Variants in IPCEF1 observed in about 807,000 individuals in gnomAD.
IPCEF1 encodes the protein interactor protein for cytohesin exchange factors 1.
A neutral mutation model predicts 50.9 loss-of-function variants in IPCEF1; 31 were observed. The ratio of observed to expected loss-of-function variants is 0.61; its 90% CI spans 0.46 to 0.82. IPCEF1 has a LOEUF of 0.82. Among genes scored for constraint, IPCEF1 ranks in the 40% least tolerant of loss-of-function variants. The pLI, the probability that IPCEF1 is intolerant of heterozygous loss-of-function variation, is 0.00. For synonymous variants in IPCEF1, 181 were observed against 192.0 expected (o/e 0.94, Z 0.47); for missense variants, 458 against 514.0 (o/e 0.89, Z 1.05).
rs1359093617 is a variant in IPCEF1, at chr6:154,217,434, A to G, written c.393-3158T>C. On this transcript the variant is annotated intron_variant, in intron 7 of 11. Transcript: ENST00000367220. ...AACCACAAGAGGTGGCTGCATGGAGAAAAAAAAAAAAAAGTGTCCCATAAG... is the reference window on the plus strand; with the variant it reads ...AACCACAAGAGGTGGCTGCATGGAGGAAAAAAAAAAAAAGTGTCCCATAAG... 3.1e-5 allele frequency: 4 copies of G among 128,602 alleles called. No homozygotes were observed. The South Asian group carries it at 6.8e-4, about 22-fold the overall frequency. The allele number at this position is 128,602 out of a possible 1,614,324, so 8.0% of individuals were successfully genotyped here.
rs748973860 is a variant in IPCEF1 at position 154,212,833 on chromosome 6, C to T, written c.474G>A (p.Gln158=). The change falls in exon 9 of 12, where the codon CAG becomes CAA. Residue 158 remains glutamine (Q), a synonymous_variant. Coordinates refer to ENST00000367220, the MANE Select transcript of IPCEF1 (RefSeq NM_001130700.2). ...TCTCCGCAGCTATTTCTGGATCTTC[C>T]TGTTCACTTTCACTGTAACATTCTA... The part of the protein sequence containing the change: ...KDEECYSESE[Q]EDPEIAAETP... The T allele has an allele frequency of 5.0e-6, 8 of 1,612,958 alleles. No homozygotes were observed. The highest frequency in any genetic ancestry group is 1.1e-5 in the South Asian group (1 of 91,048).
intron 6 of IPCEF1, 135 bp downstream of exon 6, chr6:154,223,035 A>C: frequency 1.4e-6 from 1 of 724,368 alleles, no homozygotes; most frequent in Non-Finnish European, 2.4e-6. Flanking sequence ...GTAGGGTGCC[A>C]ACCCATAATG....
chr6:154,187,237 C>T (rs1424471857), intron 10 of IPCEF1, among the ~76,000 whole-genome samples: 1 of 152,062 alleles, frequency 6.6e-6, no homozygotes, highest in Non-Finnish European at 1.5e-5. Context: ...TCACACACCC[C>T]ACCCCATACC....
At chr6:154,333,294 C>A (rs1323573619) in intron 1 of IPCEF1, among the ~76,000 whole-genome samples, 1 of 151,774 alleles carries the variant, frequency 6.6e-6, no homozygotes. Context: ...GAAGGCAGAT[C>A]CACTCTTAAT....
chr6:154,257,282 C>T (rs1420988685), intron 3 of IPCEF1, among the ~76,000 whole-genome samples: 3 of 152,162 alleles, frequency 2.0e-5, no homozygotes, highest in Non-Finnish European at 4.4e-5. Context: ...GCTCCATTGT[C>T]ATCATGGAGT....
chr6:154,313,246 G>A (rs1021122148), intron 1 of IPCEF1, among the ~76,000 whole-genome samples: 1 of 151,528 alleles, frequency 6.6e-6, no homozygotes, highest in Admixed American at 6.6e-5. Context: ...GTAGTGGTGG[G>A]TGCCTGTAAT....
intron 1 of IPCEF1, among the ~76,000 whole-genome samples, chr6:154,292,831 T>C (rs2128670028): frequency 6.6e-6 from 1 of 152,330 alleles, no homozygotes; most frequent in East Asian, 1.9e-4. Context: ...AAATGAGTAT[T>C]AGCTGTATTG....
chr6:154,257,910 C>A (rs1354108630), intron 3 of IPCEF1, among the ~76,000 whole-genome samples: 1 of 152,132 alleles, frequency 6.6e-6, no homozygotes, highest in Non-Finnish European at 1.5e-5. Context: ...GCCATGTGGC[C>A]CAGGCTGGTC....
At chr6:154,227,816 A>G (rs1779378346) in intron 5 of IPCEF1, among the ~76,000 whole-genome samples, 1 of 152,220 alleles carries the variant, frequency 6.6e-6, no homozygotes, top group African/African-American at 2.4e-5. Context: ...GAAACAGCTG[A>G]GATTCCCTTA....
At chr6:154,323,196 C>T (rs894273891) in intron 1 of IPCEF1, among the ~76,000 whole-genome samples, 1 of 152,140 alleles carries the variant, frequency 6.6e-6, no homozygotes, top group African/African-American at 2.4e-5. Flanking sequence ...CAGATCTCCA[C>T]GTGCACGAGG....
intron 1 of IPCEF1, among the ~76,000 whole-genome samples, chr6:154,351,942 T>C (rs1233517184): frequency 2.6e-5 from 4 of 152,016 alleles, no homozygotes; most frequent in African/African-American, 9.7e-5. Flanking sequence ...TGAGAACACA[T>C]GGACATAGGG....
chr6:154,311,696 A>G (rs1783081215), intron 1 of IPCEF1, among the ~76,000 whole-genome samples: 2 of 152,392 alleles, frequency 1.3e-5, no homozygotes, highest in East Asian at 1.9e-4. Flanking sequence ...AAAATTTTCA[A>G]TATCACTAAT....
At chr6:154,349,355 C>G (rs1784085212) in intron 1 of IPCEF1, among the ~76,000 whole-genome samples, 1 of 125,242 alleles carries the variant, frequency 8.0e-6, no homozygotes, top group Non-Finnish European at 1.7e-5. Context: ...CCACACTTAA[C>G]TAATTTTATT....
chr6:154,287,695 C>T (rs901997005), intron 2 of IPCEF1, among the ~76,000 whole-genome samples: 3 of 152,138 alleles, frequency 2.0e-5, no homozygotes, highest in African/African-American at 7.2e-5. Context: ...ACAAACACAG[C>T]TTCTTATAAC....
intron 11 of IPCEF1, among the ~76,000 whole-genome samples, chr6:154,160,437 A>T (rs1798917567): frequency 6.6e-6 from 1 of 152,210 alleles, no homozygotes; most frequent in East Asian, 1.9e-4. Flanking sequence ...GGAACGTAAC[A>T]CTTTACCTAG....
chr6:154,289,084 A>C (rs1782447131), intron 2 of IPCEF1, among the ~76,000 whole-genome samples: 1 of 152,084 alleles, frequency 6.6e-6, no homozygotes, highest in African/African-American at 2.4e-5. Context: ...ACCAAATAAA[A>C]GATGTATACC....
At chr6:154,318,840 A>G (rs1259927276) in intron 1 of IPCEF1, among the ~76,000 whole-genome samples, 1 of 152,166 alleles carries the variant, frequency 6.6e-6, no homozygotes, top group Non-Finnish European at 1.5e-5. Context: ...ATCATCTGGA[A>G]CCTTCAGAAG....
chr6:154,208,133 C>T (rs1372220249), intron 9 of IPCEF1, among the ~76,000 whole-genome samples: 1 of 152,178 alleles, frequency 6.6e-6, no homozygotes, highest in Non-Finnish European at 1.5e-5. Flanking sequence ...CTGCTCAAAC[C>T]TTTCAAAGGC....
At chr6:154,193,049 C>T (rs934884188) in intron 10 of IPCEF1, among the ~76,000 whole-genome samples, 1 of 152,124 alleles carries the variant, frequency 6.6e-6, no homozygotes, top group Non-Finnish European at 1.5e-5. Context: ...AGTCATTATA[C>T]GAAGAAGGAT....
Sources: allele counts gnomAD v4.1 joint callset (sites outside exome capture counted in the v4.1 genomes callset), GRCh38; gene constraint gnomAD v4.1.1; transcripts MANE v1.5; gene names NCBI Gene and HGNC (gene_info 2026-07-23, HGNC 2026-07-21).